PLXDC2: variants seen among roughly 807,000 people sequenced by gnomAD.
PLXDC2 encodes the protein plexin domain containing 2, also known as plexin domain-containing protein 2.
A neutral mutation model predicts 68.9 loss-of-function variants in PLXDC2; 40 were observed. That is an observed-to-expected ratio of 0.58 (90% CI 0.45 to 0.76). The LOEUF is 0.76. PLXDC2 is among the 30% of genes least tolerant of loss of function. The pLI is 0.00. For synonymous variants in PLXDC2, 243 were observed against 234.2 expected (o/e 1.04, Z -0.34); for missense variants, 644 against 661.9 (o/e 0.97, Z 0.30).
chr10:20,033,007 G>A (rs1270512602), intron 2 of PLXDC2, among the ~76,000 whole-genome samples: 1 of 142,908 alleles, frequency 7.0e-6, no homozygotes, highest in Non-Finnish European at 1.5e-5. Flanking sequence ...CACAGGAAGG[G>A]GAACATCACA....
At chr10:19,922,422 T>A (rs574711469) in intron 1 of PLXDC2, among the ~76,000 whole-genome samples, 1 of 152,246 alleles carries the variant, frequency 6.6e-6, no homozygotes, top group South Asian at 2.1e-4. Flanking sequence ...TTACTTGCTA[T>A]TTTTTTAAAG....
At chr10:20,198,250 G>C (rs1214186888) in intron 9 of PLXDC2, among the ~76,000 whole-genome samples, 3 of 152,086 alleles carry the variant, frequency 2.0e-5, no homozygotes, top group Non-Finnish European at 2.9e-5. Context: ...AAAGTAGTTT[G>C]TAGAAAGGCA....
intron 1 of PLXDC2, among the ~76,000 whole-genome samples, chr10:19,881,270 C>A (rs1837722739): frequency 6.6e-6 from 1 of 152,078 alleles, no homozygotes; most frequent in Non-Finnish European, 1.5e-5. Flanking sequence ...CATGTGCCAC[C>A]ATGCCTGGCT....
At chr10:19,987,227 C>T (rs767865134) in intron 1 of PLXDC2, among the ~76,000 whole-genome samples, 1 of 152,110 alleles carries the variant, frequency 6.6e-6, no homozygotes, top group Non-Finnish European at 1.5e-5. Flanking sequence ...ACCACATGTT[C>T]GATCAGCCTT....
intron 1 of PLXDC2, among the ~76,000 whole-genome samples, chr10:19,995,424 C>A (rs534915903): frequency 6.6e-6 from 1 of 152,156 alleles, no homozygotes; most frequent in African/African-American, 2.4e-5. Context: ...CTATCCCAGA[C>A]GTTCATTAAA....
intron 1 of PLXDC2, among the ~76,000 whole-genome samples, chr10:19,984,748 C>G (rs1834607567): frequency 6.6e-6 from 1 of 152,148 alleles, no homozygotes; most frequent in South Asian, 2.1e-4. Context: ...GTGTAGTTCT[C>G]TGATCTAGCT....
intron 6 of PLXDC2, among the ~76,000 whole-genome samples, chr10:20,152,990 A>G (rs939122702): frequency 6.6e-6 from 1 of 152,146 alleles, no homozygotes; most frequent in African/African-American, 2.4e-5. Context: ...TTCTTATGAG[A>G]CCAGAATATT....
chr10:19,841,182 A>G (rs1215529546), intron 1 of PLXDC2, among the ~76,000 whole-genome samples: 2 of 152,130 alleles, frequency 1.3e-5, no homozygotes, highest in Admixed American at 1.3e-4. Context: ...GCTTATTTTC[A>G]CAGATGGAGG....
intron 1 of PLXDC2, among the ~76,000 whole-genome samples, chr10:19,881,116 T>A (rs117808540): frequency 1.3e-5 from 2 of 151,700 alleles, no homozygotes; most frequent in South Asian, 4.2e-4. Flanking sequence ...TAAGATGCGA[T>A]TTTTTTTTCT....
At chr10:20,047,514 T>C (rs894130292) in intron 3 of PLXDC2, among the ~76,000 whole-genome samples, 1 of 152,068 alleles carries the variant, frequency 6.6e-6, no homozygotes, top group Non-Finnish European at 1.5e-5. Flanking sequence ...AGAAAAATAA[T>C]AAAATATAGA....
At position 20,284,006 on chromosome 10, in the gene PLXDC2, C is replaced by G. The variant is rs897188829; in HGVS notation, c.*4187C>G. On this transcript the variant is annotated 3_prime_UTR_variant, in exon 14 of 14. Coordinates refer to ENST00000377252, the MANE Select transcript of PLXDC2 (RefSeq NM_032812.9). ...CTTCATGAGGGAGTATAAATTTGAT[C>G]ACGTCCCTAGTGTCTATTGCCCACT... is the stretch of plus-strand genomic sequence containing the variant. 4 of 152,064 alleles carry G rather than the reference C, an allele frequency of 2.6e-5. No homozygotes were observed. The highest frequency in any genetic ancestry group is 6.6e-5 in the Admixed American group (1 of 15,252). The allele number at this position is 152,064 out of a possible 1,614,324, so 9.4% of individuals were successfully genotyped here.
chr10:19,911,300 A>T (rs1356631324), intron 1 of PLXDC2, among the ~76,000 whole-genome samples: 4 of 152,142 alleles, frequency 2.6e-5, no homozygotes, highest in Admixed American at 2.6e-4. Flanking sequence ...GGAAGGGGAT[A>T]AAAATCTAAA....
chr10:20,207,758 T>A (rs1414927299), intron 9 of PLXDC2, among the ~76,000 whole-genome samples: 2 of 152,118 alleles, frequency 1.3e-5, no homozygotes, highest in African/African-American at 4.8e-5. Context: ...GATTCTCAAA[T>A]TTAGGATGCC....
chr10:20,067,192 G>A (rs1325792390), intron 3 of PLXDC2, among the ~76,000 whole-genome samples: 1 of 151,860 alleles, frequency 6.6e-6, no homozygotes, highest in Non-Finnish European at 1.5e-5. Context: ...TAAATATTAA[G>A]AGCTAAAGTT....
chr10:20,031,590 G>T (rs79152257), intron 2 of PLXDC2, among the ~76,000 whole-genome samples: 2,681 of 152,148 alleles, frequency 0.018, 77 homozygotes, highest in African/African-American at 0.061. Flanking sequence ...AACTATCTCT[G>T]CATTCAGGAT....
intron 1 of PLXDC2, among the ~76,000 whole-genome samples, chr10:19,882,397 C>T (rs1177138916): frequency 6.6e-6 from 1 of 152,108 alleles, no homozygotes; most frequent in Non-Finnish European, 1.5e-5. Flanking sequence ...AGAAGAGGGT[C>T]AACATCATCA....
chr10:20,230,495 C>T (rs940854780), intron 12 of PLXDC2, among the ~76,000 whole-genome samples: 1 of 151,716 alleles, frequency 6.6e-6, no homozygotes, highest in Non-Finnish European at 1.5e-5. Flanking sequence ...CATGGTGAAA[C>T]CCCATCTCTA....
chr10:20,132,619 C>T (rs1453174218), intron 4 of PLXDC2, among the ~76,000 whole-genome samples: 1 of 151,832 alleles, frequency 6.6e-6, no homozygotes, highest in Non-Finnish European at 1.5e-5. Flanking sequence ...TTTGATTTAA[C>T]ATCTCTTTTG....
At chr10:20,027,485 T>C (rs1386587019) in intron 2 of PLXDC2, among the ~76,000 whole-genome samples, 5 of 152,152 alleles carry the variant, frequency 3.3e-5, no homozygotes, top group Non-Finnish European at 7.4e-5. Flanking sequence ...TCTTGGACTT[T>C]GTAGCCTCCA....
Sources: allele counts gnomAD v4.1 joint callset (sites outside exome capture counted in the v4.1 genomes callset), GRCh38; gene constraint gnomAD v4.1.1; transcripts MANE v1.5; gene names NCBI Gene and HGNC (gene_info 2026-07-23, HGNC 2026-07-21).